Variants in LRRN1 observed in about 807,000 individuals in gnomAD.
The protein encoded by LRRN1 is leucine-rich repeat neuronal protein 1.
In LRRN1, 14 loss-of-function variants were observed where a neutral mutation model predicts 45.8. The ratio of observed to expected loss-of-function variants is 0.31; its 90% CI spans 0.20 to 0.48. The LOEUF is 0.48. LRRN1 is among the 20% of genes least tolerant of loss of function. The probability of loss-of-function intolerance (pLI) is 0.99; values close to 1 mark genes in which losing one functional copy is unlikely to be tolerated. For missense variants in LRRN1, 789 were observed against 874.2 expected (o/e 0.90, Z 1.23); for synonymous variants, 359 against 330.1 (o/e 1.09, Z -0.95).
chr3:3,820,621 G>T (rs562385181), intron 1 of LRRN1, among the ~76,000 whole-genome samples: 4 of 152,280 alleles, frequency 2.6e-5, no homozygotes, highest in African/African-American at 9.6e-5. Flanking sequence ...TTTCCTTCTG[G>T]ATTCAAATTA....
rs1463149330 is a variant in LRRN1, at chr3:3,828,549, TAACTATCACAA to T, written c.-278-15814_-278-15804del. Among the ~76,000 whole-genome samples, 8 of 152,232 alleles carry T rather than the reference TAACTATCACAA, an allele frequency of 5.3e-5. No homozygotes were observed. The East Asian group carries it at 1.5e-3, about 29-fold the overall frequency. Reference sequence around the variant, plus strand: ...CTCAATCCAATCAAGTTGACAGTATTAACTATCACAAGTCCATCCCTTGTTAACTTGAACAC... The same window carrying T: ...CTCAATCCAATCAAGTTGACAGTATTGTCCATCCCTTGTTAACTTGAACAC... On this transcript the variant is annotated intron_variant, in intron 1 of 1. Coordinates refer to ENST00000319331, the MANE Select transcript of LRRN1 (RefSeq NM_020873.7).
At chr3:3,813,880 A>T (rs556886201) in intron 1 of LRRN1, among the ~76,000 whole-genome samples, 3 of 152,128 alleles carry the variant, frequency 2.0e-5, no homozygotes, top group African/African-American at 7.2e-5. Flanking sequence ...CCCTCTTCTA[A>T]TCATTCAAAT....
chr3:3,843,276 A>G (rs919286690), intron 1 of LRRN1, among the ~76,000 whole-genome samples: 4 of 152,188 alleles, frequency 2.6e-5, no homozygotes, highest in Non-Finnish European at 5.9e-5. Flanking sequence ...TCACGAGATT[A>G]ATGAGATCAT....
chr3:3,826,601 T>C (rs1309202015), intron 1 of LRRN1, among the ~76,000 whole-genome samples: 1 of 152,044 alleles, frequency 6.6e-6, no homozygotes, highest in Non-Finnish European at 1.5e-5. Flanking sequence ...CTATATTGTT[T>C]CCTTAATGCA....
intron 1 of LRRN1, among the ~76,000 whole-genome samples, chr3:3,824,195 C>T (rs1036936887): frequency 6.6e-5 from 10 of 152,148 alleles, no homozygotes; most frequent in South Asian, 2.1e-4. Flanking sequence ...ACCATATACA[C>T]GTAAGTCACT....
chr3:3,829,204 A>G (rs1693307818), intron 1 of LRRN1, among the ~76,000 whole-genome samples: 1 of 151,912 alleles, frequency 6.6e-6, no homozygotes, highest in African/African-American at 2.4e-5. Context: ...TTCCATTTTG[A>G]TAATCTGGGT....
chr3:3,799,852 TGCC>T lies in LRRN1; in HGVS notation c.-332_-330del, dbSNP rs200165542. ...GTCTTTCTCCTCCTCCTGCTGCTGC[TGCC>T]GCCGCCGCCGCCGTGGGTGCCGGGT... On this transcript the variant is annotated 5_prime_UTR_variant, in exon 1 of 2. Transcript: ENST00000319331. The T allele has an allele frequency of 0.03, 4,918 of 163,352 alleles. 258 individuals are homozygous for T. The highest frequency in any genetic ancestry group is 0.11 in the African/African-American group (4,480 of 41,620). The allele number at this position is 163,352 out of a possible 1,614,324, so 10.1% of individuals were successfully genotyped here. A position where few individuals can be genotyped will look rare whatever the true frequency, so the allele number is the denominator to read the frequency against.
chr3:3,806,818 G>A (rs529794037), intron 1 of LRRN1, among the ~76,000 whole-genome samples: 40 of 152,194 alleles, frequency 2.6e-4, no homozygotes, highest in Non-Finnish European at 3.7e-4. Flanking sequence ...TCATGGAGAG[G>A]TTCATTGTGA....
chr3:3,844,570 T>C lies in LRRN1; in HGVS notation c.-72T>C, dbSNP rs1290869194. The C allele has an allele frequency of 8.8e-7, 1 of 1,139,690 alleles. No homozygotes were observed. Among genetic ancestry groups the C allele is most frequent in the African/African-American group, 1.5e-5 (1 of 64,674 alleles). 70.6% of individuals were successfully genotyped at this position (1,139,690 alleles called of 1,614,324 possible). A position where few individuals can be genotyped will look rare whatever the true frequency, so the allele number is the denominator to read the frequency against. ...TACATTTTCTGCTCGCTGTCCTACA[T>C]ATCACAATATAGTGTTCACGTTTTG... On this transcript the variant is annotated 5_prime_UTR_variant, in exon 2 of 2. Transcript: ENST00000319331.
chr3:3,824,086 A>T (rs1693165961), intron 1 of LRRN1, among the ~76,000 whole-genome samples: 2 of 152,218 alleles, frequency 1.3e-5, no homozygotes, highest in Admixed American at 1.3e-4. Context: ...GATAGGACTC[A>T]GAACCAGACA....
At position 3,849,113 on chromosome 3, in the gene LRRN1, C is replaced by G. The variant is rs371665256; in HGVS notation, c.*2321C>G. Among the ~76,000 whole-genome samples, 1 of 152,156 alleles carries G rather than the reference C, an allele frequency of 6.6e-6. No homozygotes were observed. Among genetic ancestry groups the G allele is most frequent in the East Asian group, 1.9e-4 (1 of 5,188 alleles). On this transcript the variant is annotated 3_prime_UTR_variant, in exon 2 of 2. Transcript: ENST00000319331. ...ACCATGAAAATGGATGGCACTGATG[C>G]ATTAGACCCTCAGCAGCCTGCAATT...
At chr3:3,801,230 C>T (rs1012693412) in intron 1 of LRRN1, 5 of 152,244 alleles carry the variant, frequency 3.3e-5, no homozygotes, top group African/African-American at 1.2e-4. Flanking sequence ...GGCTAAGAGT[C>T]TAAATCCCAT....
intron 1 of LRRN1, among the ~76,000 whole-genome samples, chr3:3,812,840 G>T (rs1692906339): frequency 6.8e-6 from 1 of 146,464 alleles, no homozygotes; most frequent in Admixed American, 6.7e-5. Context: ...AAAAGATGTA[G>T]CACCACAAGT....
intron 1 of LRRN1, among the ~76,000 whole-genome samples, chr3:3,803,062 T>TA (rs1692688651): frequency 6.6e-6 from 1 of 152,208 alleles, no homozygotes; most frequent in Non-Finnish European, 1.5e-5. Flanking sequence ...ACTGTGTTTC[T>TA]AAAACATAAC....
intron 1 of LRRN1, among the ~76,000 whole-genome samples, chr3:3,841,156 T>A (rs1295927162): frequency 1.3e-5 from 2 of 152,006 alleles, no homozygotes; most frequent in Admixed American, 1.3e-4. Context: ...TTAGGTGTGG[T>A]GGCACGTGCC....
At chr3:3,821,582 T>C (rs550890880) in intron 1 of LRRN1, among the ~76,000 whole-genome samples, 10 of 152,288 alleles carry the variant, frequency 6.6e-5, no homozygotes, top group Admixed American at 3.9e-4. Context: ...TATTTTTAAT[T>C]AAATCAGTGT....
intron 1 of LRRN1, among the ~76,000 whole-genome samples, chr3:3,819,950 G>A (rs1437023966): frequency 1.3e-5 from 2 of 152,168 alleles, no homozygotes; most frequent in African/African-American, 2.4e-5. Flanking sequence ...AGTATCATGT[G>A]TGGAGCTGGA....
intron 1 of LRRN1, among the ~76,000 whole-genome samples, chr3:3,813,902 C>T (rs545966519): frequency 6.6e-6 from 1 of 151,986 alleles, no homozygotes; most frequent in Non-Finnish European, 1.5e-5. Flanking sequence ...GAAACTCACC[C>T]CACTCCCAAA....
At chr3:3,800,545 A>G (rs2106446945) in intron 1 of LRRN1, among the ~76,000 whole-genome samples, 1 of 151,918 alleles carries the variant, frequency 6.6e-6, no homozygotes, top group East Asian at 2.0e-4. Flanking sequence ...ACGCGGGGAC[A>G]GACCTCAGCC....
Sources: gnomAD v4.1 joint callset for allele counts (sites outside exome capture counted in the v4.1 genomes callset) on GRCh38, gnomAD v4.1.1 for gene constraint, MANE v1.5 for transcripts, NCBI Gene and HGNC (gene_info 2026-07-23, HGNC 2026-07-21) for gene names.